The following TBC1D4 variants were observed in gnomAD, a reference collection of about 807,000 sequenced individuals.
TBC1D4 encodes the protein TBC (Tre-2, BUB2, CDC16) domain-containing protein.
A neutral mutation model predicts 142.5 loss-of-function variants in TBC1D4; 121 were observed. The ratio of observed to expected loss-of-function variants is 0.85; its 90% CI spans 0.73 to 0.99. TBC1D4 has a LOEUF of 0.99. Among genes scored for constraint, TBC1D4 ranks in the 50% least tolerant of loss-of-function variants. TBC1D4 has a pLI of 0.00. For missense variants in TBC1D4, 1,475 were observed against 1,606.6 expected, an observed-to-expected ratio of 0.92 and a Z score of 1.40; for synonymous variants, 630 against 628.2, an observed-to-expected ratio of 1.00 and a Z score of -0.04.
At chr13:75,472,033 G>A (rs1357064925) in intron 1 of TBC1D4, among the ~76,000 whole-genome samples, 2 of 149,866 alleles carry the variant, frequency 1.3e-5, no homozygotes, top group Non-Finnish European at 2.9e-5. Flanking sequence ...CTTGAACCCA[G>A]TAGGTGGAGG....
At chr13:75,318,607 G>A (rs530322942) in intron 12 of TBC1D4, among the ~76,000 whole-genome samples, 2 of 152,224 alleles carry the variant, frequency 1.3e-5, no homozygotes, top group East Asian at 1.9e-4. Flanking sequence ...ATTGCATCAG[G>A]TGCACTAACA....
intron 7 of TBC1D4, among the ~76,000 whole-genome samples, chr13:75,340,255 T>C (rs1198585120): frequency 2.0e-5 from 3 of 152,236 alleles, no homozygotes; most frequent in Non-Finnish European, 4.4e-5. Context: ...GTTCTGAATA[T>C]AGTGAAATAA....
chr13:75,360,672 T>TA (rs1257174368), intron 2 of TBC1D4, among the ~76,000 whole-genome samples: 1 of 152,190 alleles, frequency 6.6e-6, no homozygotes, highest in Non-Finnish European at 1.5e-5. Flanking sequence ...GCCTTCATGA[T>TA]ATGGAGCCAC....
intron 5 of TBC1D4, among the ~76,000 whole-genome samples, chr13:75,343,864 G>C (rs1880927130): frequency 6.6e-6 from 1 of 151,502 alleles, no homozygotes; most frequent in South Asian, 2.1e-4. Flanking sequence ...TTTTGAGGCA[G>C]AGTTTCACTC....
chr13:75,342,844 TATA>T lies in TBC1D4; in HGVS notation c.1409-1260_1409-1258del, dbSNP rs538387890. Among the ~76,000 whole-genome samples the T allele has an allele frequency of 3.1e-3, 474 of 151,866 alleles. 2 individuals are homozygous for T. The highest frequency in any genetic ancestry group is 0.01 in the Middle Eastern group (3 of 294). On this transcript the variant is annotated intron_variant, in intron 5 of 20. Transcript: ENST00000377636. ...AATATATATATATATTCTGGATATA[TATA>T]ATATTTAATAAACCTTATAGGTAGG...
At chr13:75,288,784 T>C in intron 20 of TBC1D4, 150 bp downstream of exon 20, 1 of 795,596 alleles carries the variant, frequency 1.3e-6, no homozygotes, top group Non-Finnish European at 2.1e-6. Flanking sequence ...AACATGTCAT[T>C]TGTAGCCCCA....
chr13:75,369,925 G>A (rs1248722586), intron 1 of TBC1D4, among the ~76,000 whole-genome samples: 1 of 152,156 alleles, frequency 6.6e-6, no homozygotes, highest in Non-Finnish European at 1.5e-5. Flanking sequence ...AAATTAACAA[G>A]AGAAGTAAAA....
At position 75,359,760 on chromosome 13, in the gene TBC1D4, G is replaced by A. The variant is rs1882347733; in HGVS notation, c.1170+9C>T. ...CTCTTCACATACTATGATATACTTTGATACATACCTGAGAACAAGAGGAGA... is the reference window on the plus strand; with the variant it reads ...CTCTTCACATACTATGATATACTTTAATACATACCTGAGAACAAGAGGAGA... On this transcript the variant is annotated intron_variant, in intron 3 of 20. Coordinates refer to ENST00000377636, the MANE Select transcript of TBC1D4 (RefSeq NM_014832.5). 2 of 1,593,120 alleles carry A rather than the reference G, an allele frequency of 1.3e-6. No homozygotes were observed. Among genetic ancestry groups the A allele is most frequent in the Non-Finnish European group, 1.7e-6 (2 of 1,161,188 alleles).
At chr13:75,348,949 G>A (rs1881369288) in intron 5 of TBC1D4, among the ~76,000 whole-genome samples, 1 of 125,968 alleles carries the variant, frequency 7.9e-6, no homozygotes, top group Admixed American at 8.9e-5. Context: ...TAGAGAGAGA[G>A]AGAGAGTGTG....
At chr13:75,417,731 ATTATTC>A (rs1885979993) in intron 1 of TBC1D4, among the ~76,000 whole-genome samples, 1 of 152,206 alleles carries the variant, frequency 6.6e-6, no homozygotes, top group South Asian at 2.1e-4. Context: ...AACTAGTAGT[ATTATTC>A]TTATTCCAGT....
chr13:75,359,135 A>C (rs965270997), intron 3 of TBC1D4, among the ~76,000 whole-genome samples: 1 of 152,174 alleles, frequency 6.6e-6, no homozygotes. Flanking sequence ...TGCATTTTTT[A>C]ACCTCCCTAC....
chr13:75,337,741 G>A (rs1200626116), intron 7 of TBC1D4, among the ~76,000 whole-genome samples: 1 of 152,214 alleles, frequency 6.6e-6, no homozygotes, highest in Non-Finnish European at 1.5e-5. Flanking sequence ...AAGATTGGCT[G>A]TGGGTCTAAA....
intron 12 of TBC1D4, among the ~76,000 whole-genome samples, chr13:75,313,387 G>A (rs1450852077): frequency 6.6e-6 from 1 of 152,180 alleles, no homozygotes; most frequent in East Asian, 1.9e-4. Flanking sequence ...ACCAACAGTT[G>A]AATCATGGCA....
intron 1 of TBC1D4, among the ~76,000 whole-genome samples, chr13:75,403,074 A>G (rs2138359552): frequency 6.6e-6 from 1 of 152,240 alleles, no homozygotes; most frequent in East Asian, 1.9e-4. Context: ...CTCTCTCAAG[A>G]GTCTGTTTCA....
At chr13:75,311,744 T>G (rs1465305010) in intron 13 of TBC1D4, among the ~76,000 whole-genome samples, 1 of 152,160 alleles carries the variant, frequency 6.6e-6, no homozygotes, top group African/African-American at 2.4e-5. Context: ...TTTTTGGCAT[T>G]GTGGTCAGAG....
At chr13:75,340,995 G>A (rs937744634) in intron 7 of TBC1D4, 130 bp downstream of exon 7, 24 of 774,326 alleles carry the variant, frequency 3.1e-5, no homozygotes, top group Middle Eastern at 2.3e-4. Flanking sequence ...TGCTGGGCGG[G>A]GGAGTGAGGG....
chr13:75,468,584 G>A (rs772128012), intron 1 of TBC1D4, among the ~76,000 whole-genome samples: 10 of 151,768 alleles, frequency 6.6e-5, no homozygotes, highest in East Asian at 1.9e-4. Flanking sequence ...CAGAAATTAC[G>A]TAAGTTACTT....
intron 7 of TBC1D4, among the ~76,000 whole-genome samples, chr13:75,338,994 A>G (rs75082128): frequency 0.019 from 2,886 of 152,270 alleles, 53 homozygotes; most frequent in South Asian, 0.056. Flanking sequence ...CCACTTCTCT[A>G]GGGCTCTAGC....
chr13:75,406,543 C>T (rs780203602), intron 1 of TBC1D4, among the ~76,000 whole-genome samples: 10 of 152,148 alleles, frequency 6.6e-5, no homozygotes, highest in Admixed American at 2.6e-4. Flanking sequence ...AAACCTCTGA[C>T]GCTAAGTGTT....
Sources: allele counts gnomAD v4.1 joint callset (sites outside exome capture counted in the v4.1 genomes callset), GRCh38; gene constraint gnomAD v4.1.1; transcripts MANE v1.5; gene names NCBI Gene and HGNC (gene_info 2026-07-23, HGNC 2026-07-21).